The following FXYD6 variants were observed in gnomAD, a reference collection of about 807,000 sequenced individuals.
FXYD6 encodes FXYD domain-containing ion transport regulator 6.
FXYD6 carries 7 observed loss-of-function variants against 16.7 expected under a neutral mutation model. That is an observed-to-expected ratio of 0.42 (90% CI 0.24 to 0.79). The LOEUF (loss-of-function observed/expected upper bound fraction) is 0.79. Ranked by LOEUF, FXYD6 falls within the 30% of genes least tolerant of loss-of-function variation. FXYD6 has a pLI of 0.28. For missense variants in FXYD6, 111 were observed against 116.2 expected, an observed-to-expected ratio of 0.95 and a Z score of 0.21; for synonymous variants, 49 against 43.0, an observed-to-expected ratio of 1.14 and a Z score of -0.54.
chr11:117,864,818 C>T (rs1205639380), intron 1 of FXYD6, among the ~76,000 whole-genome samples: 1 of 152,158 alleles, frequency 6.6e-6, no homozygotes, highest in African/African-American at 2.4e-5. Context: ...AACTCCTGAC[C>T]TCGTGATCCG....
At chr11:117,860,778 C>T (rs2056887719) in intron 1 of FXYD6, among the ~76,000 whole-genome samples, 3 of 152,332 alleles carry the variant, frequency 2.0e-5, no homozygotes, top group African/African-American at 4.8e-5. Flanking sequence ...ATGTAACATT[C>T]GTAAGGTGCT....
At chr11:117,853,862 G>T (rs2056665027) in intron 1 of FXYD6, among the ~76,000 whole-genome samples, 1 of 152,098 alleles carries the variant, frequency 6.6e-6, no homozygotes, top group Non-Finnish European at 1.5e-5. Flanking sequence ...GAGTAACGGT[G>T]ACTTAAGATT....
chr11:117,839,671 G>T (rs1443780238), intron 7 of FXYD6, 110 bp downstream of exon 7: 1 of 1,317,106 alleles, frequency 7.6e-7, no homozygotes, highest in Non-Finnish European at 1.1e-6. Context: ...CATAATAAAA[G>T]CTGTGCCCAC....
At chr11:117,855,228 GA>G (rs1342229139) in intron 1 of FXYD6, among the ~76,000 whole-genome samples, 1 of 152,154 alleles carries the variant, frequency 6.6e-6, no homozygotes, top group African/African-American at 2.4e-5. Flanking sequence ...GTGACAGTGT[GA>G]AAAGAAATAC....
At chr11:117,839,943 A>G in intron 6 of FXYD6, 113 bp from the exon 7 acceptor site, 1 of 1,395,342 alleles carries the variant, frequency 7.2e-7, no homozygotes, top group Non-Finnish European at 1.0e-6. Context: ...GGTGACGGGC[A>G]TGGGATTTCG....
At chr11:117,841,084 C>G in intron 5 of FXYD6, 64 bp downstream of exon 5, 1 of 1,604,286 alleles carries the variant, frequency 6.2e-7, no homozygotes, top group Non-Finnish European at 8.5e-7. Context: ...GGGTCACACA[C>G]CAGGGGTCCC....
chr11:117,856,179 A>G (rs1257110068), intron 1 of FXYD6, among the ~76,000 whole-genome samples: 1 of 152,078 alleles, frequency 6.6e-6, no homozygotes, highest in African/African-American at 2.4e-5. Flanking sequence ...GAGTCACATA[A>G]TTTCACTTAA....
intron 1 of FXYD6, among the ~76,000 whole-genome samples, chr11:117,867,490 C>A (rs1445633128): frequency 1.3e-5 from 2 of 152,210 alleles, no homozygotes. Flanking sequence ...CCTCCTTCCC[C>A]TCTGTGCTGG....
At chr11:117,848,397 ATT>A (rs57830951) in intron 1 of FXYD6, among the ~76,000 whole-genome samples, 22,829 of 147,048 alleles carry the variant, frequency 0.16, 2,339 homozygotes, top group East Asian at 0.34. Flanking sequence ...AATGAAACCA[ATT>A]TTTTTTTTTT....
chr11:117,868,458 C>T (rs1230827660), intron 1 of FXYD6, among the ~76,000 whole-genome samples: 2 of 152,086 alleles, frequency 1.3e-5, no homozygotes, highest in Non-Finnish European at 2.9e-5. Context: ...CAAATCCCAA[C>T]AGGGCCACAT....
chr11:117,838,214 C>T lies in FXYD6; in HGVS notation c.*85G>A, dbSNP rs2056244086. The T allele has an allele frequency of 2.8e-6, 2 of 702,392 alleles. No individual in the cohort carries two copies. The highest frequency in any genetic ancestry group is 3.0e-5 in the South Asian group (2 of 67,596). The allele number at this position is 702,392 out of a possible 1,614,324, so 43.5% of individuals were successfully genotyped here. A position where few individuals can be genotyped will look rare whatever the true frequency, so the allele number is the denominator to read the frequency against. ...GGGGAAAGGGCTGTTGCTGAAGTGGCCGGTTTTCTTAAGCATCGACATTTG... is the reference window on the plus strand; with the variant it reads ...GGGGAAAGGGCTGTTGCTGAAGTGGTCGGTTTTCTTAAGCATCGACATTTG... On this transcript the variant is annotated 3_prime_UTR_variant, in exon 8 of 8. Transcript: ENST00000526014.
At chr11:117,847,106 T>C (rs1007799115) in intron 1 of FXYD6, among the ~76,000 whole-genome samples, 5 of 152,230 alleles carry the variant, frequency 3.3e-5, no homozygotes, top group Admixed American at 1.3e-4. Flanking sequence ...CATTCCTAAG[T>C]GCCTTATCAT....
At chr11:117,839,076 C>T (rs2134128121) in intron 7 of FXYD6, 1 of 152,864 alleles carries the variant, frequency 6.5e-6, no homozygotes, top group East Asian at 1.9e-4. Context: ...TGGCGCTGAA[C>T]CACAGCCGCA....
At chr11:117,858,805 C>T (rs967848191) in intron 1 of FXYD6, among the ~76,000 whole-genome samples, 3 of 137,720 alleles carry the variant, frequency 2.2e-5, no homozygotes, top group Admixed American at 1.5e-4. Flanking sequence ...TAGACAGTCT[C>T]GCTCTGTCAC....
At chr11:117,862,727 C>G (rs2056935391) in intron 1 of FXYD6, among the ~76,000 whole-genome samples, 1 of 152,210 alleles carries the variant, frequency 6.6e-6, no homozygotes, top group African/African-American at 2.4e-5. Context: ...ACAGGCAGGG[C>G]CAAATGGACT....
chr11:117,845,151 G>A (rs189235782), intron 1 of FXYD6, among the ~76,000 whole-genome samples: 85 of 152,228 alleles, frequency 5.6e-4, no homozygotes, highest in African/African-American at 1.9e-3. Flanking sequence ...AGTCACCCCC[G>A]ACTCCCCTTC....
rs567753064 is a variant in FXYD6, at chr11:117,871,355, C to T, written c.-6+5237G>A. ...TGAGGACTCTTCCCCATGCGTGTCA[C>T]AGCACACACGCTGTTCACTGGGCTT... On this transcript the variant is annotated intron_variant, in intron 1 of 7. Coordinates refer to ENST00000526014, the MANE Select transcript of FXYD6 (RefSeq NM_022003.4). 2.1e-4 allele frequency among the ~76,000 whole-genome samples: 32 copies of T among 152,168 alleles called. 1 individual carries two copies. The highest frequency in any genetic ancestry group is 7.2e-4 in the African/African-American group (30 of 41,484).
chr11:117,874,773 T>C (rs540850), intron 1 of FXYD6, among the ~76,000 whole-genome samples: 150,519 of 152,370 alleles, frequency 0.99, 74,369 homozygotes, highest in East Asian at 1. Context: ...AGTGCCCAGC[T>C]TCTGGAGCCC....
At chr11:117,838,494 G>A (rs550964782) in intron 7 of FXYD6, 5 of 595,116 alleles carry the variant, frequency 8.4e-6, no homozygotes, top group African/African-American at 5.6e-5. Flanking sequence ...AAAGGAAATT[G>A]TTAAACCCAG....
Sources: gnomAD v4.1 joint callset for allele counts (sites outside exome capture counted in the v4.1 genomes callset) on GRCh38, gnomAD v4.1.1 for gene constraint, MANE v1.5 for transcripts, NCBI Gene and HGNC (gene_info 2026-07-23, HGNC 2026-07-21) for gene names.